CDH11: variants seen among roughly 807,000 people sequenced by gnomAD.
The protein encoded by CDH11 is cadherin-11.
CDH11 carries 11 observed loss-of-function variants against 67.8 expected under a neutral mutation model. The ratio of observed to expected loss-of-function variants is 0.16; its 90% CI spans 0.10 to 0.27. The LOEUF is 0.27. CDH11 is among the 10% of genes least tolerant of loss of function. CDH11 has a pLI of 1.00. For synonymous variants in CDH11, 419 were observed against 400.0 expected (o/e 1.05, Z -0.57); for missense variants, 847 against 1,031.2 (o/e 0.82, Z 2.45).
intron 7 of CDH11, chr16:64,982,807 A>G (rs909920672): frequency 1.9e-5 from 3 of 154,614 alleles, no homozygotes; most frequent in Admixed American, 6.4e-5. Context: ...TTGTTTCCCA[A>G]TGTCTGGGAC....
rs766741791 is a variant in CDH11, at chr16:65,004,762, A to G, written c.108T>C (p.His36=). The G allele has an allele frequency of 3.7e-6, 6 of 1,611,788 alleles. No homozygotes were observed. Among genetic ancestry groups the G allele is most frequent in the South Asian group, 2.2e-5 (2 of 90,810 alleles). The change falls in exon 3 of 13, where the codon CAT becomes CAC. Residue 36 remains histidine (H), a synonymous_variant. Transcript: ENST00000268603. ...CCTCCTTGCCCTTCTCATGGTGCCC[A>G]TGGAAGGAGGGCCGCAGGTGCCCCC... The part of the protein sequence containing the change: ...ERRGHLRPSF[H]GHHEKGKEGQ...
In CDH11 at chr16:64,974,622, G is replaced by C. The variant is rs541778438; in HGVS notation, c.1254-1582C>G. Among the ~76,000 whole-genome samples the C allele has an allele frequency of 2.6e-5, 4 of 152,256 alleles. No individual in the cohort carries two copies. In the East Asian group the frequency reaches 7.7e-4, roughly 29 times the overall value. Reference sequence around the variant, plus strand: ...AACTTCACAGCTCCCCATAGGAATAGAATAATGAGTCCCCTTGCACAGTGA... The same window carrying C: ...AACTTCACAGCTCCCCATAGGAATACAATAATGAGTCCCCTTGCACAGTGA... On this transcript the variant is annotated intron_variant, in intron 8 of 12. Coordinates refer to ENST00000268603, the MANE Select transcript of CDH11 (RefSeq NM_001797.4).
At chr16:64,951,943 C>T (rs1164753641) in intron 11 of CDH11, among the ~76,000 whole-genome samples, 1 of 152,060 alleles carries the variant, frequency 6.6e-6, no homozygotes, top group Non-Finnish European at 1.5e-5. Context: ...CAAAACACAG[C>T]GCACCTCTGC....
At chr16:65,070,238 C>A (rs1467030836) in intron 1 of CDH11, among the ~76,000 whole-genome samples, 4 of 152,166 alleles carry the variant, frequency 2.6e-5, no homozygotes, top group African/African-American at 9.7e-5. Context: ...TATTCAGACA[C>A]CTCACACTAA....
chr16:65,000,898 TTTA>T (rs1023933671), intron 3 of CDH11, among the ~76,000 whole-genome samples: 2 of 151,454 alleles, frequency 1.3e-5, no homozygotes, highest in Non-Finnish European at 2.9e-5. Context: ...AATAGTATTA[TTTA>T]TTACTAATGC....
chr16:64,999,000 A>G, intron 3 of CDH11, 144 bp from the exon 4 acceptor site: 1 of 707,238 alleles, frequency 1.4e-6, no homozygotes, highest in Non-Finnish European at 2.3e-6. Flanking sequence ...AACAGGAGAA[A>G]GGCAATCTTA....
intron 4 of CDH11, among the ~76,000 whole-genome samples, chr16:64,995,283 A>G (rs1360029400): frequency 1.3e-5 from 2 of 152,184 alleles, no homozygotes; most frequent in Non-Finnish European, 1.5e-5. Flanking sequence ...CCGAATAGTC[A>G]AAGCAATCCT....
chr16:65,026,099 T>G lies in CDH11; in HGVS notation c.-172-21058A>C, dbSNP rs901392117. Reference sequence around the variant, plus strand: ...AGATGAGTCCCAGGAGTTCAGCATGTCAAATCATTTGTTCCATTAAACCCC... The same window carrying G: ...AGATGAGTCCCAGGAGTTCAGCATGGCAAATCATTTGTTCCATTAAACCCC... On this transcript the variant is annotated intron_variant, in intron 2 of 12. Transcript: ENST00000268603. 4.6e-5 allele frequency among the ~76,000 whole-genome samples: 7 copies of G among 152,162 alleles called. 1 individual carries two copies. Among genetic ancestry groups the G allele is most frequent in the African/African-American group, 1.7e-4 (7 of 41,436 alleles).
intron 9 of CDH11, 24 bp downstream of exon 9, chr16:64,972,880 C>G: frequency 1.2e-6 from 2 of 1,611,926 alleles, no homozygotes; most frequent in Non-Finnish European, 1.7e-6. Context: ...AAAGTAGAAT[C>G]AAAACCATGA....
chr16:65,045,653 GA>G (rs1445463351), intron 2 of CDH11, among the ~76,000 whole-genome samples: 2 of 152,018 alleles, frequency 1.3e-5, no homozygotes, highest in Non-Finnish European at 2.9e-5. Flanking sequence ...TAGTAGCCAG[GA>G]AAGGAAATGT....
intron 12 of CDH11, 140 bp from the exon 13 acceptor site, chr16:64,948,239 C>G (rs773087839): frequency 3.3e-5 from 37 of 1,128,950 alleles, no homozygotes; most frequent in Non-Finnish European, 4.2e-5. Context: ...AGAGCTTTGC[C>G]TGGAATCCCT....
chr16:64,950,938 T>C lies in CDH11; in HGVS notation c.1723A>G (p.Ser575Gly). 1 of 1,614,200 alleles carries C rather than the reference T, an allele frequency of 6.2e-7. No individual in the cohort carries two copies. Among genetic ancestry groups the C allele is most frequent in the South Asian group, 1.1e-5 (1 of 91,088 alleles). Residue 575 changes from serine (S) to glycine (G), a missense_variant, in exon 12 of 13, where the codon AGC becomes GGC. By Grantham distance (56) the Ser-to-Gly change is moderately conservative. Around this residue, in one of 2 missense-constraint regions of CDH11, gnomAD observed 612 missense variants for 678.7 expected, o/e 0.90. Transcript: ENST00000268603. ...QDLYLLPIVI[S>G]DGGIPPMSST... ...CTCATGGGCGGGATGCCGCCATCGC[T>C]GATCACTATGGGCAGAAGGTACAAG...
At chr16:65,084,745 C>A (rs1487349402) in intron 1 of CDH11, among the ~76,000 whole-genome samples, 1 of 152,092 alleles carries the variant, frequency 6.6e-6, no homozygotes, top group African/African-American at 2.4e-5. Context: ...TAATATCTTA[C>A]AAGAACATAG....
chr16:65,059,469 C>G (rs1314923922), intron 1 of CDH11: 1 of 152,152 alleles, frequency 6.6e-6, no homozygotes, highest in African/African-American at 2.4e-5. Flanking sequence ...TCCAAAGCGC[C>G]GATGGACGGG....
At chr16:65,076,883 A>G (rs958846823) in intron 1 of CDH11, among the ~76,000 whole-genome samples, 1 of 152,102 alleles carries the variant, frequency 6.6e-6, no homozygotes, top group African/African-American at 2.4e-5. Context: ...GCTGCCTAGT[A>G]TTCCATGGTG....
chr16:64,975,632 A>C (rs1357875312), intron 8 of CDH11, among the ~76,000 whole-genome samples: 3 of 152,170 alleles, frequency 2.0e-5, no homozygotes, highest in Non-Finnish European at 4.4e-5. Flanking sequence ...AAAGACATTG[A>C]AAAAGAACAT....
intron 11 of CDH11, among the ~76,000 whole-genome samples, chr16:64,952,516 C>T (rs1024086026): frequency 6.6e-6 from 1 of 152,152 alleles, no homozygotes; most frequent in Non-Finnish European, 1.5e-5. Flanking sequence ...TAGCCTCTGC[C>T]CCCAAAATAT....
chr16:64,968,441 G>A lies in CDH11; in HGVS notation c.1642+3138C>T, dbSNP rs963904876. ...CAAAGTAAATGCATCTCAAAACCTG[G>A]GCAGACATGCTCTTCATCTGCCCAA... On this transcript the variant is annotated intron_variant, in intron 11 of 12. Coordinates refer to ENST00000268603, the MANE Select transcript of CDH11 (RefSeq NM_001797.4). The A allele has an allele frequency of 5.1e-6, 5 of 984,742 alleles. No homozygotes were observed. In the African/African-American group the frequency reaches 8.7e-5, roughly 17 times the overall value. The allele number at this position is 984,742 out of a possible 1,614,324, so 61.0% of individuals were successfully genotyped here. A position where few individuals can be genotyped will look rare whatever the true frequency, so the allele number is the denominator to read the frequency against.
intron 1 of CDH11, among the ~76,000 whole-genome samples, chr16:65,055,048 G>A (rs1417703537): frequency 6.6e-6 from 1 of 152,190 alleles, no homozygotes; most frequent in African/African-American, 2.4e-5. Context: ...GTCCTCTTGT[G>A]TGCTATTTAT....
Sources: allele counts gnomAD v4.1 joint callset (sites outside exome capture counted in the v4.1 genomes callset), GRCh38; gene constraint gnomAD v4.1.1; regional missense constraint gnomAD v4.1.1; transcripts MANE v1.5; gene names NCBI Gene and HGNC (gene_info 2026-07-23, HGNC 2026-07-21).